Variants in LHFPL3 observed in about 807,000 individuals in gnomAD.
The protein encoded by LHFPL3 is LHFPL tetraspan subfamily member 3 protein.
A neutral mutation model predicts 19.3 loss-of-function variants in LHFPL3; 5 were observed. The ratio of observed to expected loss-of-function variants is 0.26; its 90% CI spans 0.14 to 0.54. The LOEUF is 0.54. Ranked by LOEUF, LHFPL3 falls within the 20% of genes least tolerant of loss-of-function variation. LHFPL3 has a pLI of 0.94. For missense variants in LHFPL3, 249 were observed against 307.4 expected (o/e 0.81, Z 1.42); for synonymous variants, 133 against 126.2 (o/e 1.05, Z -0.36).
At chr7:104,654,569 G>T (rs921280805) in intron 1 of LHFPL3, among the ~76,000 whole-genome samples, 1 of 152,060 alleles carries the variant, frequency 6.6e-6, no homozygotes, top group African/African-American at 2.4e-5. Context: ...GAGGATAATT[G>T]TACCTACCTT....
intron 1 of LHFPL3, among the ~76,000 whole-genome samples, chr7:104,491,522 A>G (rs1177140861): frequency 1.3e-5 from 2 of 152,134 alleles, no homozygotes; most frequent in Non-Finnish European, 2.9e-5. Context: ...CATAAAAACA[A>G]CAGCCCACAC....
At chr7:104,365,570 A>C (rs1790470816) in intron 1 of LHFPL3, among the ~76,000 whole-genome samples, 1 of 150,652 alleles carries the variant, frequency 6.6e-6, no homozygotes, top group African/African-American at 2.4e-5. Context: ...TCATGAGGTC[A>C]GGAGATCGAG....
intron 1 of LHFPL3, among the ~76,000 whole-genome samples, chr7:104,443,761 C>G (rs62485096): frequency 0.089 from 13,514 of 152,268 alleles, 1,006 homozygotes; most frequent in Admixed American, 0.25. Context: ...CTGATGCATC[C>G]TCACTTCCTG....
At chr7:104,592,058 G>A (rs537423880) in intron 1 of LHFPL3, among the ~76,000 whole-genome samples, 12 of 152,196 alleles carry the variant, frequency 7.9e-5, no homozygotes, top group African/African-American at 1.9e-4. Context: ...CGATGGGTTC[G>A]AACATCCTCC....
intron 1 of LHFPL3, among the ~76,000 whole-genome samples, chr7:104,711,227 G>C (rs1211272925): frequency 6.6e-6 from 1 of 152,162 alleles, no homozygotes; most frequent in Non-Finnish European, 1.5e-5. Context: ...ACGAGACAGA[G>C]AGTCTGTGGT....
At chr7:104,414,904 G>T (rs1304686842) in intron 1 of LHFPL3, among the ~76,000 whole-genome samples, 1 of 152,166 alleles carries the variant, frequency 6.6e-6, no homozygotes, top group Non-Finnish European at 1.5e-5. Context: ...TTAATAATGG[G>T]ATTGCTGAGG....
intron 1 of LHFPL3, among the ~76,000 whole-genome samples, chr7:104,343,512 CAAAAAAAAAAAA>C (rs536122769): frequency 6.3e-5 from 3 of 47,472 alleles, no homozygotes; most frequent in African/African-American, 7.5e-5. Context: ...GACTCTGTCT[CAAAAAAAAAAAA>C]AAAAAAAAAA....
At chr7:104,721,922 C>T (rs760880519) in intron 1 of LHFPL3, among the ~76,000 whole-genome samples, 3 of 151,924 alleles carry the variant, frequency 2.0e-5, no homozygotes, top group Non-Finnish European at 2.9e-5. Context: ...TTAACTATAC[C>T]ATTAGCAGGA....
chr7:104,569,794 G>T (rs1231509826), intron 1 of LHFPL3, among the ~76,000 whole-genome samples: 2 of 152,134 alleles, frequency 1.3e-5, no homozygotes, highest in Non-Finnish European at 2.9e-5. Context: ...ACTTAGTAAT[G>T]CTGAGTAACT....
At chr7:104,351,786 T>C (rs1790179147) in intron 1 of LHFPL3, among the ~76,000 whole-genome samples, 1 of 152,208 alleles carries the variant, frequency 6.6e-6, no homozygotes, top group Admixed American at 6.5e-5. Context: ...TTAGGAAAGA[T>C]TTTATTCTTA....
chr7:104,373,377 T>C (rs1790649669), intron 1 of LHFPL3, among the ~76,000 whole-genome samples: 1 of 152,220 alleles, frequency 6.6e-6, no homozygotes, highest in African/African-American at 2.4e-5. Flanking sequence ...TTAGGAAACA[T>C]TTGGTTCAAA....
chr7:104,663,702 A>C (rs1413510174), intron 1 of LHFPL3, among the ~76,000 whole-genome samples: 3 of 152,230 alleles, frequency 2.0e-5, no homozygotes, highest in African/African-American at 7.2e-5. Context: ...TATCTTATGC[A>C]GAAAGAGACC....
intron 2 of LHFPL3, among the ~76,000 whole-genome samples, chr7:104,744,995 T>A (rs1794013231): frequency 6.6e-6 from 1 of 152,158 alleles, no homozygotes; most frequent in Non-Finnish European, 1.5e-5. Context: ...CTCCCATCCC[T>A]TCAATGAACT....
intron 1 of LHFPL3, among the ~76,000 whole-genome samples, chr7:104,719,434 G>C (rs1023451662): frequency 6.6e-5 from 10 of 152,162 alleles, no homozygotes; most frequent in Admixed American, 4.6e-4. Context: ...GGAACAAACT[G>C]TATGTGTATA....
intron 1 of LHFPL3, among the ~76,000 whole-genome samples, chr7:104,400,711 A>C (rs1158128513): frequency 6.6e-6 from 1 of 152,218 alleles, no homozygotes; most frequent in Non-Finnish European, 1.5e-5. Flanking sequence ...GCATGATCTA[A>C]ATTGACCTAC....
At chr7:104,770,206 A>G (rs918408808) in intron 2 of LHFPL3, among the ~76,000 whole-genome samples, 2 of 152,084 alleles carry the variant, frequency 1.3e-5, no homozygotes, top group Admixed American at 6.5e-5. Flanking sequence ...GGAAAAAGGT[A>G]GATCACTTCC....
chr7:104,340,823 G>A (rs1238731930), intron 1 of LHFPL3, among the ~76,000 whole-genome samples: 1 of 152,076 alleles, frequency 6.6e-6, no homozygotes, highest in Non-Finnish European at 1.5e-5. Context: ...TTATTTGCCT[G>A]GAGTAATGAC....
intron 1 of LHFPL3, among the ~76,000 whole-genome samples, chr7:104,703,304 C>G (rs1413893535): frequency 3.9e-5 from 6 of 152,112 alleles, no homozygotes; most frequent in African/African-American, 9.7e-5. Context: ...TTATATTATT[C>G]AAGTCCTTTA....
chr7:104,565,721 G>GTCTATCTA (rs6150264), intron 1 of LHFPL3, among the ~76,000 whole-genome samples: 98 of 144,048 alleles, frequency 6.8e-4, no homozygotes, highest in Non-Finnish European at 8.6e-4. Context: ...CTGTCTGTCT[G>GTCTATCTA]TCTATCTATC....
Sources: allele counts gnomAD v4.1 joint callset (sites outside exome capture counted in the v4.1 genomes callset), GRCh38; gene constraint gnomAD v4.1.1; transcripts MANE v1.5; gene names NCBI Gene and HGNC (gene_info 2026-07-23, HGNC 2026-07-21).